Variants in PACRG observed in about 807,000 individuals in gnomAD.
The protein encoded by PACRG is parkin coregulated gene protein.
A neutral mutation model predicts 29.7 loss-of-function variants in PACRG; 29 were observed. The ratio of observed to expected loss-of-function variants is 0.98; its 90% CI spans 0.73 to 1.33. PACRG has a LOEUF of 1.33. Among genes scored for constraint, PACRG ranks in the 40% most tolerant of loss-of-function variants. The pLI is 0.00. For synonymous variants in PACRG, 116 were observed against 118.7 expected, an observed-to-expected ratio of 0.98 and a Z score of 0.15; for missense variants, 279 against 316.2, an observed-to-expected ratio of 0.88 and a Z score of 0.89.
chr6:163,241,206 C>T (rs1240411516), intron 4 of PACRG, among the ~76,000 whole-genome samples: 1 of 152,112 alleles, frequency 6.6e-6, no homozygotes, highest in African/African-American at 2.4e-5. Context: ...TGAACCTGTA[C>T]ACTGCAACAG....
intron 4 of PACRG, among the ~76,000 whole-genome samples, chr6:163,133,379 G>C (rs1166967633): frequency 6.6e-6 from 1 of 152,138 alleles, no homozygotes; most frequent in African/African-American, 2.4e-5. Context: ...GGAGAAATGT[G>C]TACCTGATGT....
At chr6:163,269,492 G>A (rs1783653385) in intron 4 of PACRG, among the ~76,000 whole-genome samples, 1 of 152,126 alleles carries the variant, frequency 6.6e-6, no homozygotes, top group Non-Finnish European at 1.5e-5. Context: ...CTGAGACCTG[G>A]TTCTTCACAT....
At chr6:163,128,451 C>G (rs956907285) in intron 4 of PACRG, among the ~76,000 whole-genome samples, 1 of 152,184 alleles carries the variant, frequency 6.6e-6, no homozygotes, top group Non-Finnish European at 1.5e-5. Flanking sequence ...TTAGAGATGT[C>G]TATCATGTAG....
At chr6:162,968,754 C>T (rs1023673490) in intron 2 of PACRG, among the ~76,000 whole-genome samples, 7 of 152,012 alleles carry the variant, frequency 4.6e-5, no homozygotes, top group Non-Finnish European at 8.8e-5. Flanking sequence ...AAAATCTTCA[C>T]AGTAAATTGA....
chr6:162,921,293 C>T lies in PACRG; in HGVS notation c.291+107012C>T, dbSNP rs117407201. On this transcript the variant is annotated intron_variant, in intron 2 of 4. Coordinates refer to ENST00000366888, the MANE Select transcript of PACRG (RefSeq NM_001080379.2). ...GAAGACCGGGGGGAGCAGTGAGGGC[C>T]GCCAGGTGGTGGGGCAGGGCAGTAG... Among the ~76,000 whole-genome samples the T allele has an allele frequency of 5.4e-3, 828 of 152,160 alleles. 18 individuals are homozygous for T. The East Asian group carries it at 0.059, about 11-fold the overall frequency.
At chr6:163,000,437 A>G (rs1485075399) in intron 2 of PACRG, among the ~76,000 whole-genome samples, 1 of 152,058 alleles carries the variant, frequency 6.6e-6, no homozygotes, top group East Asian at 1.9e-4. Flanking sequence ...CACTCCCCAT[A>G]CCAGTGGGTC....
chr6:163,217,770 G>A (rs1781420187), intron 4 of PACRG, among the ~76,000 whole-genome samples: 1 of 152,074 alleles, frequency 6.6e-6, no homozygotes, highest in Non-Finnish European at 1.5e-5. Flanking sequence ...GATCCAGGCT[G>A]TGTGCACCTT....
At chr6:162,854,166 GTT>G (rs60399122) in intron 2 of PACRG, among the ~76,000 whole-genome samples, 95 of 140,268 alleles carry the variant, frequency 6.8e-4, no homozygotes, top group Middle Eastern at 7.4e-3. Context: ...TTTTCTTTCT[GTT>G]TTTTTTTTTT....
intron 1 of PACRG, among the ~76,000 whole-genome samples, chr6:162,774,315 G>A (rs1783473186): frequency 6.6e-6 from 1 of 152,196 alleles, no homozygotes; most frequent in Non-Finnish European, 1.5e-5. Context: ...CTTTAGTAGG[G>A]AAAATCAACT....
At chr6:163,236,861 C>T (rs1782259512) in intron 4 of PACRG, among the ~76,000 whole-genome samples, 1 of 152,190 alleles carries the variant, frequency 6.6e-6, no homozygotes, top group Non-Finnish European at 1.5e-5. Context: ...AACTTACAAT[C>T]ATGGCAAAAG....
At chr6:162,731,989 G>A (rs1440858900) in intron 1 of PACRG, among the ~76,000 whole-genome samples, 4 of 152,102 alleles carry the variant, frequency 2.6e-5, no homozygotes, top group Non-Finnish European at 4.4e-5. Flanking sequence ...AATGACACCT[G>A]AGACAAGGGG....
chr6:163,100,692 T>C (rs1815030686), intron 4 of PACRG: 5 of 758,326 alleles, frequency 6.6e-6, no homozygotes, highest in Non-Finnish European at 8.0e-6. Flanking sequence ...TGGAGAAATG[T>C]TCCTCTTAGT....
chr6:162,959,094 T>C (rs1328713597), intron 2 of PACRG, among the ~76,000 whole-genome samples: 4 of 150,658 alleles, frequency 2.7e-5, no homozygotes, highest in Non-Finnish European at 5.9e-5. Context: ...TTTTTTTTTT[T>C]TGTAGTGGAG....
At chr6:163,264,177 C>T (rs890100217) in intron 4 of PACRG, among the ~76,000 whole-genome samples, 2 of 152,168 alleles carry the variant, frequency 1.3e-5, no homozygotes, top group African/African-American at 4.8e-5. Context: ...TAACTTCTCA[C>T]GTCGAATCAT....
At chr6:163,095,899 G>T (rs1030642530) in intron 4 of PACRG, among the ~76,000 whole-genome samples, 3 of 152,138 alleles carry the variant, frequency 2.0e-5, no homozygotes, top group Admixed American at 6.5e-5. Flanking sequence ...CAGTCCAGAT[G>T]ATATACCTCT....
At chr6:162,729,513 A>G (rs926810767) in intron 1 of PACRG, among the ~76,000 whole-genome samples, 1 of 152,184 alleles carries the variant, frequency 6.6e-6, no homozygotes, top group African/African-American at 2.4e-5. Context: ...GGTGATTTAC[A>G]GTAGTTAAAA....
intron 4 of PACRG, chr6:163,095,434 G>T: frequency 1.0e-6 from 1 of 984,766 alleles, no homozygotes; most frequent in Non-Finnish European, 1.2e-6. Flanking sequence ...TCTGAAGGCT[G>T]TGTCTTAGCT....
At chr6:163,302,014 CATCGGGT>C (rs1785023818) in intron 4 of PACRG, among the ~76,000 whole-genome samples, 1 of 152,140 alleles carries the variant, frequency 6.6e-6, no homozygotes, top group South Asian at 2.1e-4. Flanking sequence ...AGGGGAAAGC[CATCGGGT>C]ACACTAAACT....
At chr6:163,085,354 A>G (rs748855967) in intron 3 of PACRG, among the ~76,000 whole-genome samples, 11 of 152,126 alleles carry the variant, frequency 7.2e-5, no homozygotes, top group Non-Finnish European at 1.3e-4. Context: ...GGAGAGATGA[A>G]TAAAGAGAAA....
Sources: gnomAD v4.1 joint callset for allele counts (sites outside exome capture counted in the v4.1 genomes callset) on GRCh38, gnomAD v4.1.1 for gene constraint, MANE v1.5 for transcripts, NCBI Gene and HGNC (gene_info 2026-07-23, HGNC 2026-07-21) for gene names.